Variants in FAS observed in about 807,000 individuals in gnomAD.
FAS encodes the protein tumor necrosis factor receptor superfamily member 6.
A neutral mutation model predicts 33.2 loss-of-function variants in FAS; 5 were observed. That is an observed-to-expected ratio of 0.15 (90% CI 0.08 to 0.32). The LOEUF (loss-of-function observed/expected upper bound fraction) is 0.32, where lower values mean the gene tolerates loss of function less well. FAS is among the 10% of genes least tolerant of loss of function. FAS has a pLI of 1.00. For synonymous variants in FAS, 131 were observed against 130.7 expected, an observed-to-expected ratio of 1.00 and a Z score of -0.01; for missense variants, 339 against 386.0, an observed-to-expected ratio of 0.88 and a Z score of 1.02.
Position 89,003,097 on chromosome 10 carries a change from G to A in FAS, c.99G>A (p.Lys33=), listed in dbSNP as rs1350308710. The part of the protein sequence containing the change: ...VNAQVTDINS[K]GLELRKTVTT... ...CCCAAGTGACTGACATCAACTCCAA[G>A]GGATTGGAATTGAGGAAGACTGTTA... is the stretch of plus-strand genomic sequence containing the variant. The change falls in exon 2 of 9, where the codon AAG becomes AAA. Residue 33 remains lysine (K), a synonymous_variant. Coordinates refer to ENST00000652046, the MANE Select transcript of FAS (RefSeq NM_000043.6). The A allele has an allele frequency of 1.2e-6, 2 of 1,613,948 alleles. No homozygotes were observed. Among genetic ancestry groups the A allele is most frequent in the African/African-American group, 1.3e-5 (1 of 74,908 alleles).
At chr10:89,004,352 AT>A (rs892385973) in intron 2 of FAS, among the ~76,000 whole-genome samples, 7 of 151,942 alleles carry the variant, frequency 4.6e-5, no homozygotes, top group Non-Finnish European at 8.8e-5. Context: ...TTGAAAAAAA[AT>A]TTTTTTTAAC....
At chr10:89,002,269 T>C (rs1367393659) in intron 1 of FAS, among the ~76,000 whole-genome samples, 3 of 152,238 alleles carry the variant, frequency 2.0e-5, no homozygotes, top group Non-Finnish European at 4.4e-5. Context: ...CTGAGTCTCT[T>C]GTTAGCCACT....
At chr10:89,001,744 G>A (rs1291408321) in intron 1 of FAS, among the ~76,000 whole-genome samples, 2 of 152,166 alleles carry the variant, frequency 1.3e-5, no homozygotes, top group Non-Finnish European at 2.9e-5. Flanking sequence ...CTTGTCATCG[G>A]ATACAAAGAA....
In FAS at chr10:88,977,758, G is replaced by A. The variant is rs1187863070; in HGVS notation, n.260+4411G>A. On this transcript the variant is annotated intron_variant and non_coding_transcript_variant, in intron 2 of 3. Coordinates refer to the FAS transcript ENST00000688239. The stretch of plus-strand genomic sequence containing the variant: ...AAAAAGTCAGGAAACAACAGGTGCT[G>A]GAGAGGATGTGGAGAAATAGGAACA... Among the ~76,000 whole-genome samples, 10 of 139,682 alleles carry A rather than the reference G, an allele frequency of 7.2e-5. No individual in the cohort carries two copies. In the East Asian group the frequency reaches 2.1e-3, roughly 29 times the overall value. 91.6% of individuals were successfully genotyped at this position (139,682 alleles called of 152,430 possible).
At chr10:88,975,718 T>A (rs563237444) in intron 2 of FAS, among the ~76,000 whole-genome samples, 1 of 152,124 alleles carries the variant, frequency 6.6e-6, no homozygotes, top group Non-Finnish European at 1.5e-5. Flanking sequence ...GGCCTCTTAA[T>A]AAATATTCGA....
intron 2 of FAS, chr10:88,973,833 ACTCTGTC>A (rs1564658342): frequency 6.6e-6 from 1 of 152,032 alleles, no homozygotes; most frequent in African/African-American, 2.4e-5. Context: ...ACAGAGTCTC[ACTCTGTC>A]GCCCAGGCTG....
Position 89,015,701 on chromosome 10 carries a change from T to G in FAS, c.*1251T>G. On this transcript the variant is annotated 3_prime_UTR_variant, in exon 9 of 9. Transcript: ENST00000652046. ...GATACCTGGAACCACCTAAAGAACTTCCATTTATGGAGGATTTTTTTGCCC... is the reference window on the plus strand; with the variant it reads ...GATACCTGGAACCACCTAAAGAACTGCCATTTATGGAGGATTTTTTTGCCC... 1 of 497,908 alleles carries G rather than the reference T, an allele frequency of 2.0e-6. No homozygotes were observed. Among genetic ancestry groups the G allele is most frequent in the Non-Finnish European group, 3.9e-6 (1 of 259,470 alleles). The allele number at this position is 497,908 out of a possible 1,614,324, so 30.8% of individuals were successfully genotyped here.
At chr10:89,011,935 T>G in intron 6 of FAS, 64 bp from the exon 7 acceptor site, 1 of 1,326,068 alleles carries the variant, frequency 7.5e-7, no homozygotes, top group Non-Finnish European at 1.1e-6. Flanking sequence ...AGTGTGAAAG[T>G]ATGTTCTCAC....
At chr10:88,999,295 T>G (rs1480565479) in intron 1 of FAS, among the ~76,000 whole-genome samples, 1 of 152,240 alleles carries the variant, frequency 6.6e-6, no homozygotes, top group Non-Finnish European at 1.5e-5. Flanking sequence ...CACTCTTTCC[T>G]GTAGAACCCC....
rs55679298 is a variant in FAS, at chr10:89,008,713, A to T, written c.335-176A>T. Among the ~76,000 whole-genome samples the T allele has an allele frequency of 9.3e-4, 141 of 152,290 alleles. 1 individual carries two copies. Among genetic ancestry groups the T allele is most frequent in the Admixed American group, 2.2e-3 (34 of 15,302 alleles). On this transcript the variant is annotated intron_variant, in intron 3 of 8. Transcript: ENST00000652046. ...GGTTGCTGCTAAATGATTGCTGGCC[A>T]TTTCAACCTGGGGTTTCCTGTTCTG...
At chr10:88,996,433 G>T (rs1003067046) in intron 1 of FAS, among the ~76,000 whole-genome samples, 2 of 151,832 alleles carry the variant, frequency 1.3e-5, no homozygotes, top group Non-Finnish European at 2.9e-5. Context: ...GTTACCAGAG[G>T]CTAGTTGGGG....
chr10:88,981,987 T>C (rs193021099), upstream of FAS, among the ~76,000 whole-genome samples: 159 of 152,318 alleles, frequency 1.0e-3, no homozygotes, highest in African/African-American at 3.5e-3. Context: ...CCTGTAGGTG[T>C]GGGTATGAGA....
rs1182115573 is a variant in FAS at position 89,015,816 on chromosome 10, T to C, written c.*1366T>C. 1 of 444,682 alleles carries C rather than the reference T, an allele frequency of 2.2e-6. No individual in the cohort carries two copies. Among genetic ancestry groups the C allele is most frequent in the Non-Finnish European group, 4.3e-6 (1 of 234,818 alleles). The allele number at this position is 444,682 out of a possible 1,614,324, so 27.5% of individuals were successfully genotyped here. ...GGTTTTCTCTTTTTTGGTAGGGGCT[T>C]GCTTTTTGGTTTTGTCTTCCTTTTC... is the stretch of plus-strand genomic sequence containing the variant. On this transcript the variant is annotated 3_prime_UTR_variant, in exon 9 of 9. Coordinates refer to ENST00000652046, the MANE Select transcript of FAS (RefSeq NM_000043.6).
chr10:89,002,098 C>A (rs925730159), intron 1 of FAS, among the ~76,000 whole-genome samples: 2 of 152,230 alleles, frequency 1.3e-5, no homozygotes. Flanking sequence ...AACACCTCCC[C>A]TTTCCCCAGT....
In FAS at chr10:89,013,350, T is replaced by C. The variant is rs1429709907; in HGVS notation, c.659T>C (p.Val220Ala). 1.9e-6 allele frequency: 3 copies of C among 1,611,812 alleles called. No homozygotes were observed. Among genetic ancestry groups the C allele is most frequent in the South Asian group, 2.2e-5 (2 of 90,886 alleles). ...HESPTLNPET[V>A]AINLSDVDLS... The stretch of plus-strand genomic sequence containing the variant: ...CCATTTTTTGCTTTCTAGGAAACAG[T>C]GGCAATAAATTTATCTGGTAAGGCT... Residue 220 changes from valine to alanine, a missense_variant, in exon 8 of 9, where the codon GTG becomes GCG. By Grantham distance (64) the Val-to-Ala change is moderately conservative. Coordinates refer to ENST00000652046, the MANE Select transcript of FAS (RefSeq NM_000043.6).
chr10:88,995,542 G>C (rs930697441), intron 1 of FAS, among the ~76,000 whole-genome samples: 1 of 152,082 alleles, frequency 6.6e-6, no homozygotes, highest in African/African-American at 2.4e-5. Context: ...ATACCTTTAG[G>C]CTGGGCAGGT....
chr10:88,986,829 T>C (rs1846906374), upstream of FAS, among the ~76,000 whole-genome samples: 1 of 152,198 alleles, frequency 6.6e-6, no homozygotes, highest in Non-Finnish European at 1.5e-5. Flanking sequence ...CTTACTTTTT[T>C]TCATCTGAAC....
At position 88,990,815 on chromosome 10, in the gene FAS, G is replaced by A. The variant is rs1229890773; in HGVS notation, c.-62G>A. On this transcript the variant is annotated 5_prime_UTR_variant, in exon 1 of 9. Coordinates refer to ENST00000652046, the MANE Select transcript of FAS (RefSeq NM_000043.6). This position sits in a 1 kb window ranked among gnomAD's most constrained non-coding sequence, Gnocchi z 4.9. The stretch of plus-strand genomic sequence containing the variant: ...GGAGCTGCCTCTTCTCCCGCGGGTT[G>A]GTGGACCCGCTCAGTACGGAGTTGG... 2 of 1,610,788 alleles carry A rather than the reference G, an allele frequency of 1.2e-6. No homozygotes were observed. The highest frequency in any genetic ancestry group is 1.7e-6 in the Non-Finnish European group (2 of 1,177,072).
At chr10:88,976,224 A>G (rs114284924) in intron 2 of FAS, among the ~76,000 whole-genome samples, 2,490 of 152,226 alleles carry the variant, frequency 0.016, 86 homozygotes, top group African/African-American at 0.057. Flanking sequence ...ATCGCCAAAA[A>G]TCTCATAATG....
Sources: allele counts gnomAD v4.1 joint callset (sites outside exome capture counted in the v4.1 genomes callset), GRCh38; gene constraint gnomAD v4.1.1; non-coding constraint Gnocchi (gnomAD v3.1); transcripts MANE v1.5; gene names NCBI Gene and HGNC (gene_info 2026-07-23, HGNC 2026-07-21).